Variants in FAM118B observed in about 807,000 individuals in gnomAD.
FAM118B encodes SIR2 antiphage like 1.
A neutral mutation model predicts 38.5 loss-of-function variants in FAM118B; 24 were observed. The observed-to-expected ratio is 0.62, with a 90% CI of 0.45 to 0.88. The LOEUF (loss-of-function observed/expected upper bound fraction) is 0.88. Ranked by LOEUF, FAM118B falls within the 40% of genes least tolerant of loss-of-function variation. The pLI, the probability that FAM118B is intolerant of heterozygous loss-of-function variation, is 0.00. For missense variants in FAM118B, 334 were observed against 420.0 expected (o/e 0.80, Z 1.79); for synonymous variants, 138 against 156.3 (o/e 0.88, Z 0.87).
chr11:126,259,077 T>C (rs547695266), intron 7 of FAM118B, among the ~76,000 whole-genome samples: 1 of 152,320 alleles, frequency 6.6e-6, no homozygotes, highest in Non-Finnish European at 1.5e-5. Flanking sequence ...TTTATGGGAA[T>C]GGTCAGCTGA....
At position 126,241,054 on chromosome 11, in the gene FAM118B, C is replaced by T; in HGVS notation, c.339+10C>T. The T allele has an allele frequency of 1.3e-6, 2 of 1,560,030 alleles. No individual in the cohort carries two copies. Among genetic ancestry groups the T allele is most frequent in the Non-Finnish European group, 8.7e-7 (1 of 1,153,284 alleles). On this transcript the variant is annotated intron_variant, in intron 4 of 8. Coordinates refer to ENST00000533050, the MANE Select transcript of FAM118B (RefSeq NM_024556.4). ...CCAGAAACTCTCTCCTGTGAGTACCCTAGTATGTGCCACAGTATTTGGAAT... is the reference window on the plus strand; with the variant it reads ...CCAGAAACTCTCTCCTGTGAGTACCTTAGTATGTGCCACAGTATTTGGAAT...
In FAM118B at chr11:126,241,053, C is replaced by G; in HGVS notation, c.339+9C>G. The G allele has an allele frequency of 1.3e-6, 2 of 1,563,204 alleles. No homozygotes were observed. Among genetic ancestry groups the G allele is most frequent in the Non-Finnish European group, 1.7e-6 (2 of 1,154,458 alleles). ...TCCAGAAACTCTCTCCTGTGAGTACCCTAGTATGTGCCACAGTATTTGGAA... is the reference window on the plus strand; with the variant it reads ...TCCAGAAACTCTCTCCTGTGAGTACGCTAGTATGTGCCACAGTATTTGGAA... On this transcript the variant is annotated intron_variant, in intron 4 of 8. Coordinates refer to ENST00000533050, the MANE Select transcript of FAM118B (RefSeq NM_024556.4).
At chr11:126,219,599 A>G (rs1415132559) in intron 1 of FAM118B, among the ~76,000 whole-genome samples, 1 of 151,818 alleles carries the variant, frequency 6.6e-6, no homozygotes, top group African/African-American at 2.4e-5. Flanking sequence ...TTAACAGAGT[A>G]CATAAGAAAC....
At chr11:126,241,964 G>T (rs1950364378) in intron 4 of FAM118B, among the ~76,000 whole-genome samples, 1 of 147,954 alleles carries the variant, frequency 6.8e-6, no homozygotes, top group Non-Finnish European at 1.5e-5. Flanking sequence ...GGTGGAGGTT[G>T]CACTGAGTTG....
upstream of FAM118B, chr11:126,211,753 C>T (rs568807000): frequency 9.7e-6 from 12 of 1,238,674 alleles, no homozygotes; most frequent in Middle Eastern, 5.7e-4. Context: ...GGGCGAGTCA[C>T]GTGGGGACGG....
intron 1 of FAM118B, among the ~76,000 whole-genome samples, chr11:126,217,667 T>G (rs139419690): frequency 6.6e-5 from 10 of 152,244 alleles, no homozygotes; most frequent in Non-Finnish European, 1.3e-4. Flanking sequence ...AACTGCTGCC[T>G]GGGGTCCTCC....
At chr11:126,251,743 T>C (rs2135201967) in intron 5 of FAM118B, among the ~76,000 whole-genome samples, 1 of 152,106 alleles carries the variant, frequency 6.6e-6, no homozygotes, top group African/African-American at 2.4e-5. Flanking sequence ...TTTTTTTTTT[T>C]TTTTTGAGAG....
At position 126,262,299 on chromosome 11, in the gene FAM118B, C is replaced by T. The variant is rs1950717384; in HGVS notation, c.*166C>T. ...GGGGGAATGTTGCAGCGTAATCCTT[C>T]ATACCACCTGGTTCTTGATATTCTG... On this transcript the variant is annotated 3_prime_UTR_variant, in exon 9 of 9. Coordinates refer to ENST00000533050, the MANE Select transcript of FAM118B (RefSeq NM_024556.4). 9.1e-6 allele frequency: 5 copies of T among 550,016 alleles called. No individual in the cohort carries two copies. The East Asian group carries it at 1.9e-4, about 21-fold the overall frequency. The allele number at this position is 550,016 out of a possible 1,614,324, so 34.1% of individuals were successfully genotyped here. A position where few individuals can be genotyped will look rare whatever the true frequency, so the allele number is the denominator to read the frequency against.
intron 1 of FAM118B, among the ~76,000 whole-genome samples, chr11:126,219,600 C>T (rs2135127793): frequency 6.6e-6 from 1 of 151,942 alleles, no homozygotes; most frequent in Non-Finnish European, 1.5e-5. Flanking sequence ...TAACAGAGTA[C>T]ATAAGAAACA....
At position 126,256,421 on chromosome 11, in the gene FAM118B, T is replaced by A. The variant is rs967156895; in HGVS notation, c.697-146T>A. The A allele has an allele frequency of 3.1e-6, 2 of 651,380 alleles. No homozygotes were observed. Among genetic ancestry groups the A allele is most frequent in the Non-Finnish European group, 2.6e-6 (1 of 382,120 alleles). The allele number at this position is 651,380 out of a possible 1,614,324, so 40.4% of individuals were successfully genotyped here. A position where few individuals can be genotyped will look rare whatever the true frequency, so the allele number is the denominator to read the frequency against. On this transcript the variant is annotated intron_variant, in intron 6 of 8. Coordinates refer to ENST00000533050, the MANE Select transcript of FAM118B (RefSeq NM_024556.4). This position sits in a 1 kb window ranked among gnomAD's most constrained non-coding sequence, Gnocchi z 6.6. ...TCAAGTTACAGCAATAAGCAAGAGA[T>A]CACACTCCTTGATGGGACATACCAA...
intron 1 of FAM118B, among the ~76,000 whole-genome samples, chr11:126,226,114 A>G (rs554501996): frequency 6.6e-6 from 1 of 151,890 alleles, no homozygotes; most frequent in East Asian, 1.9e-4. Context: ...CCAGAAAGGA[A>G]CGTGGCGCAA....
intron 4 of FAM118B, chr11:126,241,320 T>G (rs1015568251): frequency 3.3e-6 from 1 of 307,402 alleles, no homozygotes; most frequent in African/African-American, 2.1e-5. Flanking sequence ...TTGAATTTAT[T>G]TTTTTCCTGC....
At chr11:126,239,337 T>C (rs1197687689) in intron 3 of FAM118B, among the ~76,000 whole-genome samples, 2 of 152,172 alleles carry the variant, frequency 1.3e-5, no homozygotes, top group African/African-American at 4.8e-5. Flanking sequence ...TACAACAGTA[T>C]AAAATGAAAA....
At chr11:126,219,396 C>A (rs1294089709) in intron 1 of FAM118B, among the ~76,000 whole-genome samples, 1 of 65,738 alleles carries the variant, frequency 1.5e-5, no homozygotes, top group South Asian at 4.5e-4. Context: ...TTTTGAGAGT[C>A]TCTCTCTGTT....
intron 1 of FAM118B, among the ~76,000 whole-genome samples, chr11:126,213,812 C>T (rs1057492413): frequency 6.6e-6 from 1 of 152,180 alleles, no homozygotes; most frequent in African/African-American, 2.4e-5. Context: ...TCTAGGGTTT[C>T]AGGTTAACTC....
chr11:126,234,333 T>C (rs1249345041), intron 2 of FAM118B, among the ~76,000 whole-genome samples: 1 of 152,222 alleles, frequency 6.6e-6, no homozygotes, highest in Non-Finnish European at 1.5e-5. Context: ...ATGGTAATTA[T>C]TTACTTTTGC....
rs541832227 is a variant in FAM118B at position 126,250,299 on chromosome 11, G to A, written c.340-207G>A. Among the ~76,000 whole-genome samples, 1 of 152,132 alleles carries A rather than the reference G, an allele frequency of 6.6e-6. No homozygotes were observed. Among genetic ancestry groups the A allele is most frequent in the East Asian group, 1.9e-4 (1 of 5,164 alleles). On this transcript the variant is annotated intron_variant, in intron 4 of 8. Transcript: ENST00000533050. The surrounding 1 kb of genome is among the most constrained non-coding windows in gnomAD (Gnocchi z 5.1). ...GTAGAGACGGGGTTTCACCGTGTTA[G>A]CCAGGATGGTCTCGATCTCCTGACC...
chr11:126,238,972 CT>C lies in FAM118B; in HGVS notation c.87-1803del, dbSNP rs533350695. ...AAATGTTTTATTTTTAAGTGGAAGT[CT>C]TTTTTTTTTTTTTTTTCGAGACAAG... On this transcript the variant is annotated intron_variant, in intron 3 of 8. Transcript: ENST00000533050. Among the ~76,000 whole-genome samples, 561 of 129,802 alleles carry C rather than the reference CT, an allele frequency of 4.3e-3. 2 individuals carry two copies. The highest frequency in any genetic ancestry group is 9.0e-3 in the African/African-American group (317 of 35,258). The allele number at this position is 129,802 out of a possible 152,430, so 85.2% of individuals were successfully genotyped here.
Position 126,262,822 on chromosome 11 carries a change from T to C in FAM118B, c.*689T>C, listed in dbSNP as rs1034064314. Reference sequence around the variant, plus strand: ...TTACTTACCTGATTCCTCGGAGCATTATCAACTTCTGCTCTGTTGTCCTGA... The same window carrying C: ...TTACTTACCTGATTCCTCGGAGCATCATCAACTTCTGCTCTGTTGTCCTGA... On this transcript the variant is annotated 3_prime_UTR_variant, in exon 9 of 9. Transcript: ENST00000533050. The C allele has an allele frequency of 2.6e-5, 4 of 152,646 alleles. No homozygotes were observed. Among genetic ancestry groups the C allele is most frequent in the African/African-American group, 9.6e-5 (4 of 41,462 alleles). 9.5% of individuals were successfully genotyped at this position (152,646 alleles called of 1,614,324 possible). A position where few individuals can be genotyped will look rare whatever the true frequency, so the allele number is the denominator to read the frequency against.
Sources: allele counts gnomAD v4.1 joint callset (sites outside exome capture counted in the v4.1 genomes callset), GRCh38; gene constraint gnomAD v4.1.1; non-coding constraint Gnocchi (gnomAD v3.1); transcripts MANE v1.5; gene names NCBI Gene and HGNC (gene_info 2026-07-23, HGNC 2026-07-21).